Variants in PRKCA observed in about 807,000 individuals in gnomAD.
PRKCA encodes the protein protein kinase C alpha type.
In PRKCA, 27 loss-of-function variants were observed where a neutral mutation model predicts 87.0. The ratio of observed to expected loss-of-function variants is 0.31; its 90% CI spans 0.23 to 0.43. The LOEUF is 0.43. Among genes scored for constraint, PRKCA ranks in the 20% least tolerant of loss-of-function variants. PRKCA has a pLI of 1.00. For synonymous variants in PRKCA, 329 were observed against 311.1 expected (o/e 1.06, Z -0.61); for missense variants, 518 against 852.3 (o/e 0.61, Z 4.88).
intron 5 of PRKCA, among the ~76,000 whole-genome samples, chr17:66,658,948 A>G (rs16959880): frequency 0.57 from 87,298 of 152,034 alleles, 25,397 homozygotes; most frequent in African/African-American, 0.69. Flanking sequence ...TCACTTTCAA[A>G]ATTGGAAGGC....
rs576314474 is a variant in PRKCA, at chr17:66,797,838, A to G, written c.1855-6035A>G. On this transcript the variant is annotated intron_variant, in intron 16 of 16. Transcript: ENST00000413366. ...CTCTGTCCCATACCCATCGTGTGGTACGTCACATCCCAGAGGGCAAAAGCC... is the reference window on the plus strand; with the variant it reads ...CTCTGTCCCATACCCATCGTGTGGTGCGTCACATCCCAGAGGGCAAAAGCC... Among the ~76,000 whole-genome samples, 9 of 152,350 alleles carry G rather than the reference A, an allele frequency of 5.9e-5. No individual in the cohort carries two copies. In the South Asian group the frequency reaches 1.9e-3, roughly 32 times the overall value.
At chr17:66,523,139 G>T (rs926473333) in intron 3 of PRKCA, among the ~76,000 whole-genome samples, 5 of 152,104 alleles carry the variant, frequency 3.3e-5, no homozygotes, top group African/African-American at 1.2e-4. Context: ...TCAGGTTCTG[G>T]TCACACTGTC....
chr17:66,694,562 T>A (rs1007990157), intron 8 of PRKCA, among the ~76,000 whole-genome samples: 3 of 151,522 alleles, frequency 2.0e-5, no homozygotes, highest in African/African-American at 7.3e-5. Context: ...TAATGATTGT[T>A]GCAGCTAATA....
chr17:66,318,867 ACTTGCCGTGGTGG>A (rs1359083854), intron 2 of PRKCA, among the ~76,000 whole-genome samples: 1 of 151,720 alleles, frequency 6.6e-6, no homozygotes, highest in African/African-American at 2.4e-5. Context: ...AAAAAAAAAG[ACTTGCCGTGGTGG>A]CTGGCCTAAG....
At chr17:66,800,493 C>T (rs1975876076) in intron 16 of PRKCA, among the ~76,000 whole-genome samples, 1 of 152,324 alleles carries the variant, frequency 6.6e-6, no homozygotes, top group East Asian at 1.9e-4. Context: ...CTCTGGACAC[C>T]AGCTTTGGAA....
At chr17:66,664,733 A>C (rs1972002035) in intron 5 of PRKCA, among the ~76,000 whole-genome samples, 1 of 133,378 alleles carries the variant, frequency 7.5e-6, no homozygotes, top group African/African-American at 2.9e-5. Flanking sequence ...AGCTCACCGC[A>C]GCCATGATGA....
intron 3 of PRKCA, among the ~76,000 whole-genome samples, chr17:66,581,206 C>G (rs1403302880): frequency 6.6e-6 from 1 of 152,202 alleles, no homozygotes; most frequent in Non-Finnish European, 1.5e-5. Flanking sequence ...AGCAAACTTT[C>G]TCAGCCAAGG....
intron 14 of PRKCA, chr17:66,774,673 A>G (rs920351330): frequency 6.1e-6 from 6 of 986,612 alleles, no homozygotes; most frequent in Non-Finnish European, 7.2e-6. Context: ...AGTTTTCAGT[A>G]TCTTAAAACT....
Position 66,804,889 on chromosome 17 carries a change from CA to C in PRKCA, c.*853del. The stretch of plus-strand genomic sequence containing the variant: ...TGCCATCAGTAATCATGCCACTACT[CA>C]CCAGTGTTGTTCACCAACACCCACC... On this transcript the variant is annotated 3_prime_UTR_variant, in exon 17 of 17. Coordinates refer to ENST00000413366, the MANE Select transcript of PRKCA (RefSeq NM_002737.3). The C allele has an allele frequency of 1.8e-6, 1 of 565,956 alleles. No individual in the cohort carries two copies. Among genetic ancestry groups the C allele is most frequent in the Non-Finnish European group, 2.2e-6 (1 of 447,152 alleles). 35.1% of individuals were successfully genotyped at this position (565,956 alleles called of 1,614,324 possible). A position where few individuals can be genotyped will look rare whatever the true frequency, so the allele number is the denominator to read the frequency against.
intron 2 of PRKCA, among the ~76,000 whole-genome samples, chr17:66,494,544 A>C (rs925850032): frequency 6.6e-6 from 1 of 152,210 alleles, no homozygotes; most frequent in Non-Finnish European, 1.5e-5. Flanking sequence ...TGACCCCCCA[A>C]GGGTCCCATC....
intron 13 of PRKCA, among the ~76,000 whole-genome samples, chr17:66,768,268 G>GC (rs59437256): frequency 7.1e-6 from 1 of 141,394 alleles, no homozygotes; most frequent in Non-Finnish European, 1.5e-5. Context: ...TTTTGGGGGG[G>GC]AGAGATTAGG....
intron 16 of PRKCA, among the ~76,000 whole-genome samples, chr17:66,791,197 A>T (rs928793390): frequency 9.0e-5 from 13 of 144,506 alleles, no homozygotes; most frequent in Non-Finnish European, 7.5e-5. Context: ...TTAAGAAGGA[A>T]GGATAAATTG....
intron 3 of PRKCA, among the ~76,000 whole-genome samples, chr17:66,543,985 G>T (rs148851379): frequency 1.1e-3 from 165 of 152,310 alleles, no homozygotes; most frequent in African/African-American, 3.9e-3. Context: ...GCCAAGGCAG[G>T]CAGATCACTT....
At chr17:66,363,595 G>A (rs1908522478) in intron 2 of PRKCA, among the ~76,000 whole-genome samples, 1 of 152,234 alleles carries the variant, frequency 6.6e-6, no homozygotes, top group Admixed American at 6.5e-5. Context: ...TTCCAATAAA[G>A]CCAATTTAAT....
chr17:66,512,812 C>G (rs531305988), intron 3 of PRKCA, among the ~76,000 whole-genome samples: 23 of 152,212 alleles, frequency 1.5e-4, no homozygotes, highest in African/African-American at 5.3e-4. Context: ...CCTGCCTCAG[C>G]CTCTTGAGTG....
At chr17:66,360,556 C>T (rs1229756369) in intron 2 of PRKCA, among the ~76,000 whole-genome samples, 3 of 152,104 alleles carry the variant, frequency 2.0e-5, no homozygotes, top group Non-Finnish European at 2.9e-5. Flanking sequence ...GGTGGATATC[C>T]GAAGGGCTCT....
intron 3 of PRKCA, among the ~76,000 whole-genome samples, chr17:66,597,818 GC>G (rs1408344654): frequency 1.5e-5 from 1 of 65,416 alleles, no homozygotes. Flanking sequence ...AGTTTTCCCA[GC>G]ACCATTTATT....
intron 5 of PRKCA, among the ~76,000 whole-genome samples, chr17:66,665,851 G>C (rs1972030194): frequency 6.6e-6 from 1 of 152,170 alleles, no homozygotes; most frequent in Admixed American, 6.5e-5. Flanking sequence ...TAAAACTAGA[G>C]TTCTTCTTTA....
At chr17:66,551,974 C>T (rs1968350291) in intron 3 of PRKCA, among the ~76,000 whole-genome samples, 1 of 152,058 alleles carries the variant, frequency 6.6e-6, no homozygotes, top group African/African-American at 2.4e-5. Flanking sequence ...GATTTATTTA[C>T]AGTGTATATA....
Sources: gnomAD v4.1 joint callset for allele counts (sites outside exome capture counted in the v4.1 genomes callset) on GRCh38, gnomAD v4.1.1 for gene constraint, MANE v1.5 for transcripts, NCBI Gene and HGNC (gene_info 2026-07-23, HGNC 2026-07-21) for gene names.